Variants in RFX2 observed in about 807,000 individuals in gnomAD.
The protein encoded by RFX2 is regulatory factor X2.
A neutral mutation model predicts 87.8 loss-of-function variants in RFX2; 20 were observed. That is an observed-to-expected ratio of 0.23 (90% CI 0.16 to 0.33). The LOEUF (loss-of-function observed/expected upper bound fraction) is 0.33. Ranked by LOEUF, RFX2 falls within the 10% of genes least tolerant of loss-of-function variation. RFX2 has a pLI of 1.00. For synonymous variants in RFX2, 397 were observed against 431.3 expected (o/e 0.92, Z 0.98); for missense variants, 767 against 1,012.3 (o/e 0.76, Z 3.29).
intron 1 of RFX2, among the ~76,000 whole-genome samples, chr19:6,087,431 C>T (rs556294353): frequency 6.6e-6 from 1 of 152,222 alleles, no homozygotes; most frequent in South Asian, 2.1e-4. Flanking sequence ...CAGAGGAAGC[C>T]CAGGAGGGAG....
Position 6,013,191 on chromosome 19 carries a change from C to CTTTT in RFX2, c.780-90_780-87dup. The CTTTT allele has an allele frequency of 2.8e-6, 3 of 1,075,744 alleles. No homozygotes were observed. Among genetic ancestry groups the CTTTT allele is most frequent in the Non-Finnish European group, 3.7e-6 (3 of 801,062 alleles). 66.6% of individuals were successfully genotyped at this position (1,075,744 alleles called of 1,614,324 possible). On this transcript the variant is annotated intron_variant, in intron 7 of 17. Transcript: ENST00000303657. This position sits in a 1 kb window ranked among gnomAD's most constrained non-coding sequence, Gnocchi z 4.1. ...TTGGGATTCTTTTTCTTTCTTTCTTCTTTTTTTTTTTTGAGACAGAATCTC... is the reference window on the plus strand; with the variant it reads ...TTGGGATTCTTTTTCTTTCTTTCTTCTTTTTTTTTTTTTTTTGAGACAGAATCTC...
chr19:5,994,822 C>T lies in RFX2; in HGVS notation c.*13G>A. The T allele has an allele frequency of 2.5e-6, 4 of 1,581,716 alleles. No homozygotes were observed. Among genetic ancestry groups the T allele is most frequent in the Middle Eastern group, 1.7e-4 (1 of 5,798 alleles). The stretch of plus-strand genomic sequence containing the variant: ...CATCTTTTGGAACCTCGAGGAGGCG[C>T]CGGCCGGGGCTGCTAGATGCCCTGC... On this transcript the variant is annotated 3_prime_UTR_variant, in exon 18 of 18. Coordinates refer to ENST00000303657, the MANE Select transcript of RFX2 (RefSeq NM_000635.4).
At chr19:6,018,195 C>A (rs111635621) in intron 6 of RFX2, among the ~76,000 whole-genome samples, 4,156 of 152,250 alleles carry the variant, frequency 0.027, 214 homozygotes, top group African/African-American at 0.095. Context: ...GCCTCGAATT[C>A]CTGACCTCAG....
rs1200406120 is a variant in RFX2, at chr19:6,012,435, G to A, written c.899+551C>T. 2.6e-5 allele frequency among the ~76,000 whole-genome samples: 4 copies of A among 152,172 alleles called. No individual in the cohort carries two copies. The highest frequency in any genetic ancestry group is 6.5e-5 in the Admixed American group (1 of 15,274). On this transcript the variant is annotated intron_variant, in intron 8 of 17. Coordinates refer to ENST00000303657, the MANE Select transcript of RFX2 (RefSeq NM_000635.4). This position sits in a 1 kb window ranked among gnomAD's most constrained non-coding sequence, Gnocchi z 4.6. ...GGGGTGGGGAGGGAAAGCTGGGTAG[G>A]CAGAACATGGAGGATGTGTAGGACT...
chr19:6,051,849 T>C (rs563200233), intron 1 of RFX2, among the ~76,000 whole-genome samples: 2 of 152,180 alleles, frequency 1.3e-5, no homozygotes, highest in East Asian at 3.9e-4. Flanking sequence ...TAAAAAGAGA[T>C]CCACTGTGCA....
intron 1 of RFX2, among the ~76,000 whole-genome samples, chr19:6,109,030 G>A (rs1019583771): frequency 1.3e-5 from 2 of 152,112 alleles, no homozygotes; most frequent in African/African-American, 4.8e-5. Flanking sequence ...GTGTGTGAGT[G>A]TGTGTGTGCG....
At chr19:6,091,097 C>T (rs1353912870) in intron 1 of RFX2, among the ~76,000 whole-genome samples, 2 of 152,062 alleles carry the variant, frequency 1.3e-5, no homozygotes, top group African/African-American at 2.4e-5. Flanking sequence ...TTTCTTTTCA[C>T]GGTGATGGAA....
Position 6,042,107 on chromosome 19 carries a change from T to TGCTGCACCG in RFX2, c.188_196dup (p.Pro63_Gln65dup), listed in dbSNP as rs772953771. 4 of 1,613,812 alleles carry TGCTGCACCG rather than the reference T, an allele frequency of 2.5e-6. No individual in the cohort carries two copies. The African/African-American group carries it at 4.0e-5, about 16-fold the overall frequency. On this transcript the variant is annotated inframe_insertion, in exon 4 of 18. Transcript: ENST00000303657. ...GTACTGCACCTGGGCAGGATACACGTGCTGCACCGGCTGCACCTGAAACAT... is the reference window on the plus strand; with the variant it reads ...GTACTGCACCTGGGCAGGATACACGTGCTGCACCGGCTGCACCGGCTGCACCTGAAACAT...
intron 1 of RFX2, among the ~76,000 whole-genome samples, chr19:6,052,427 T>C: frequency 6.6e-6 from 1 of 152,194 alleles, no homozygotes; most frequent in East Asian, 1.9e-4. Context: ...TAAACAATCA[T>C]AATCGGAGAT....
intron 1 of RFX2, among the ~76,000 whole-genome samples, chr19:6,091,695 A>G (rs1357779778): frequency 1.3e-5 from 2 of 152,216 alleles, no homozygotes; most frequent in African/African-American, 4.8e-5. Flanking sequence ...AAACAACAAT[A>G]TCTGTTGGAC....
At chr19:6,107,122 C>T (rs1256401859) in intron 1 of RFX2, among the ~76,000 whole-genome samples, 1 of 151,544 alleles carries the variant, frequency 6.6e-6, no homozygotes, top group Non-Finnish European at 1.5e-5. Flanking sequence ...AGTGAAACCC[C>T]GTCTCTACTA....
chr19:6,026,323 GT>G lies in RFX2; in HGVS notation c.523-87del. ...AGATGGTTAGCATCAGCCAAGATTT[GT>G]TTTTATTAATATCCAAATAATGATT... On this transcript the variant is annotated intron_variant, in intron 5 of 17. Coordinates refer to ENST00000303657, the MANE Select transcript of RFX2 (RefSeq NM_000635.4). The surrounding 1 kb of genome is among the most constrained non-coding windows in gnomAD (Gnocchi z 4.5). 1 of 1,144,342 alleles carries G rather than the reference GT, an allele frequency of 8.7e-7. No homozygotes were observed. Among genetic ancestry groups the G allele is most frequent in the Non-Finnish European group, 1.3e-6 (1 of 777,196 alleles). The allele number at this position is 1,144,342 out of a possible 1,614,324, so 70.9% of individuals were successfully genotyped here. A position where few individuals can be genotyped will look rare whatever the true frequency, so the allele number is the denominator to read the frequency against.
intron 5 of RFX2, among the ~76,000 whole-genome samples, chr19:6,033,600 C>A (rs2086977808): frequency 2.0e-5 from 2 of 101,580 alleles, no homozygotes; most frequent in Admixed American, 1.2e-4. Flanking sequence ...AACCTGGGTA[C>A]TTTTCCCACC....
chr19:6,002,880 AG>A lies in RFX2; in HGVS notation c.1501-11del. The A allele has an allele frequency of 6.2e-7, 1 of 1,600,460 alleles. No individual in the cohort carries two copies. The highest frequency in any genetic ancestry group is 8.5e-7 in the Non-Finnish European group (1 of 1,176,148). ...CACTGACGACGCCCACCTGTAAGCC[AG>A]GGCTCGTGGTGAGCAGGGGTTCGCA... On this transcript the variant is annotated splice_polypyrimidine_tract_variant and intron_variant, in intron 13 of 17. Transcript: ENST00000303657. This position sits in a 1 kb window ranked among gnomAD's most constrained non-coding sequence, Gnocchi z 6.7.
intron 5 of RFX2, among the ~76,000 whole-genome samples, chr19:6,035,848 GGGGTGTGTGTGTGTGT>G (rs1461906132): frequency 3.5e-5 from 3 of 85,330 alleles, no homozygotes; most frequent in Admixed American, 3.0e-4. Context: ...AGCTTGGTGG[GGGGTGTGTGTGTGTGT>G]GTGTGTGTGT....
In RFX2 at chr19:6,012,995, T is replaced by C; in HGVS notation, c.890A>G (p.Gln297Arg). Residue 297 changes from glutamine to arginine, a missense_variant, in exon 8 of 18, where the codon CAG becomes CGG. Gln to Arg is a conservative substitution (Grantham distance 43, BLOSUM62 1). Around this residue, in one of 2 missense-constraint regions of RFX2, gnomAD observed 621 missense variants for 873.0 expected, o/e 0.71. Coordinates refer to ENST00000303657, the MANE Select transcript of RFX2 (RefSeq NM_000635.4). The surrounding 1 kb of genome is among the most constrained non-coding windows in gnomAD (Gnocchi z 4.6). ...TCGGCCCGGCACCCACCTGGGCTTCTGGTGCATGGGCTGCTGCCGCATGGC... is the reference window on the plus strand; with the variant it reads ...TCGGCCCGGCACCCACCTGGGCTTCCGGTGCATGGGCTGCTGCCGCATGGC... ...YMAMRQQPMH[Q>R]KPRYRPAQKT... 1 of 1,559,070 alleles carries C rather than the reference T, an allele frequency of 6.4e-7. No homozygotes were observed. Among genetic ancestry groups the C allele is most frequent in the Non-Finnish European group, 8.7e-7 (1 of 1,152,062 alleles).
At chr19:6,030,725 T>C (rs542092901) in intron 5 of RFX2, among the ~76,000 whole-genome samples, 19 of 152,306 alleles carry the variant, frequency 1.2e-4, no homozygotes, top group African/African-American at 4.6e-4. Context: ...AACTGTCCAC[T>C]GCAAAATGGT....
intron 1 of RFX2, chr19:6,073,584 G>T: frequency 2.9e-6 from 1 of 340,906 alleles, no homozygotes; most frequent in Non-Finnish European, 5.3e-6. Flanking sequence ...ACTGCAAAAA[G>T]ATATATAAAA....
rs535914877 is a variant in RFX2 at position 6,056,019 on chromosome 19, G to C, written c.-8-8515C>G. ...TTAAAAAAAAATCATAATAGTGGGT[G>C]GGGGGGCAGGTGGCGGTGGGCGAGA... On this transcript the variant is annotated intron_variant, in intron 1 of 17. Coordinates refer to ENST00000303657, the MANE Select transcript of RFX2 (RefSeq NM_000635.4). This position sits in a 1 kb window ranked among gnomAD's most constrained non-coding sequence, Gnocchi z 4.6. Among the ~76,000 whole-genome samples the C allele has an allele frequency of 6.6e-6, 1 of 151,928 alleles. No homozygotes were observed. The highest frequency in any genetic ancestry group is 1.5e-5 in the Non-Finnish European group (1 of 67,982).
Sources: allele counts gnomAD v4.1 joint callset (sites outside exome capture counted in the v4.1 genomes callset), GRCh38; gene constraint gnomAD v4.1.1; regional missense constraint gnomAD v4.1.1; non-coding constraint Gnocchi (gnomAD v3.1); transcripts MANE v1.5; gene names NCBI Gene and HGNC (gene_info 2026-07-23, HGNC 2026-07-21).